The following KIAA1958 variants were observed in gnomAD, a reference collection of about 807,000 sequenced individuals.
KIAA1958 encodes uncharacterized protein KIAA1958.
A neutral mutation model predicts 47.2 loss-of-function variants in KIAA1958; 14 were observed. The ratio of observed to expected loss-of-function variants is 0.30; its 90% CI spans 0.20 to 0.46. The LOEUF is 0.46. KIAA1958 is among the 20% of genes least tolerant of loss of function. KIAA1958 has a pLI of 1.00. For missense variants in KIAA1958, 803 were observed against 909.2 expected (o/e 0.88, Z 1.50); for synonymous variants, 354 against 353.3 (o/e 1.00, Z -0.02).
At chr9:112,614,016 A>T (rs984792222) in intron 2 of KIAA1958, among the ~76,000 whole-genome samples, 1 of 152,242 alleles carries the variant, frequency 6.6e-6, no homozygotes, top group Admixed American at 6.5e-5. Flanking sequence ...ATAGAATGCA[A>T]TGTCCAGTAG....
rs1412651002 is a variant in KIAA1958, at chr9:112,666,387, G to T, written c.*6318G>T. On this transcript the variant is annotated 3_prime_UTR_variant, in exon 4 of 4. Transcript: ENST00000337530. ...CATTTTATCAATAAGGAAATTTAAG[G>T]CCAGAGATATTAAAGGGCCCATCCA... The T allele has an allele frequency of 6.6e-6, 1 of 151,900 alleles. No homozygotes were observed. The highest frequency in any genetic ancestry group is 2.1e-4 in the South Asian group (1 of 4,812). The allele number at this position is 151,900 out of a possible 1,614,324, so 9.4% of individuals were successfully genotyped here.
At chr9:112,583,978 A>T (rs1486411104) in intron 2 of KIAA1958, among the ~76,000 whole-genome samples, 2 of 152,036 alleles carry the variant, frequency 1.3e-5, no homozygotes, top group Non-Finnish European at 2.9e-5. Flanking sequence ...AGGTGGGAGG[A>T]TCACTTGAGC....
intron 3 of KIAA1958, among the ~76,000 whole-genome samples, chr9:112,655,697 A>G (rs754315345): frequency 1.3e-5 from 2 of 152,166 alleles, no homozygotes; most frequent in Non-Finnish European, 2.9e-5. Context: ...TAAAAAGGGA[A>G]CTTGGAATGG....
chr9:112,640,373 C>A (rs1208470165), intron 2 of KIAA1958, among the ~76,000 whole-genome samples: 1 of 152,134 alleles, frequency 6.6e-6, no homozygotes, highest in Non-Finnish European at 1.5e-5. Flanking sequence ...CATGCAATTG[C>A]CTCTTGGTGA....
At chr9:112,621,081 CA>C (rs1316427246) in intron 2 of KIAA1958, among the ~76,000 whole-genome samples, 3 of 152,104 alleles carry the variant, frequency 2.0e-5, no homozygotes, top group African/African-American at 7.2e-5. Flanking sequence ...TTAAGTTTCT[CA>C]GTACCAGCTC....
intron 2 of KIAA1958, among the ~76,000 whole-genome samples, chr9:112,632,399 TGTTC>T (rs1836725575): frequency 6.6e-6 from 1 of 152,136 alleles, no homozygotes; most frequent in Non-Finnish European, 1.5e-5. Flanking sequence ...TGATCATCTT[TGTTC>T]ATTTATCTTT....
At chr9:112,612,298 G>T (rs553272796) in intron 2 of KIAA1958, among the ~76,000 whole-genome samples, 1 of 152,098 alleles carries the variant, frequency 6.6e-6, no homozygotes, top group East Asian at 1.9e-4. Context: ...GTTTGTGCTT[G>T]TAGGCCCAGC....
At chr9:112,622,654 C>T (rs1836529509) in intron 2 of KIAA1958, among the ~76,000 whole-genome samples, 1 of 152,056 alleles carries the variant, frequency 6.6e-6, no homozygotes, top group African/African-American at 2.4e-5. Context: ...TAAATTTTCC[C>T]TATGTTAAAT....
At chr9:112,597,278 AT>A (rs1159694823) in intron 2 of KIAA1958, among the ~76,000 whole-genome samples, 2 of 152,178 alleles carry the variant, frequency 1.3e-5, no homozygotes, top group Non-Finnish European at 2.9e-5. Flanking sequence ...TAGTGTGCTT[AT>A]TATCTCACTA....
At chr9:112,562,825 ATT>A (rs765507098) in intron 1 of KIAA1958, among the ~76,000 whole-genome samples, 1 of 138,814 alleles carries the variant, frequency 7.2e-6, no homozygotes. Flanking sequence ...TTATGTCAGG[ATT>A]TTTTTTTTTT....
chr9:112,567,216 G>GGGT (rs1023113199), intron 1 of KIAA1958, among the ~76,000 whole-genome samples: 26 of 152,106 alleles, frequency 1.7e-4, no homozygotes, highest in African/African-American at 6.3e-4. Context: ...CCCTAAGACA[G>GGGT]GGTGAAACAA....
intron 1 of KIAA1958, among the ~76,000 whole-genome samples, chr9:112,499,032 T>C (rs1481248231): frequency 2.0e-5 from 3 of 152,248 alleles, no homozygotes; most frequent in Non-Finnish European, 4.4e-5. Flanking sequence ...CTTAGCATGA[T>C]GTCCTCCAGG....
In KIAA1958 at chr9:112,569,331, C is replaced by G. The variant is rs554684820; in HGVS notation, c.-24-4726C>G. 9.8e-5 allele frequency among the ~76,000 whole-genome samples: 15 copies of G among 152,302 alleles called. No homozygotes were observed. In the South Asian group the frequency reaches 3.1e-3, roughly 32 times the overall value. ...AGAAGCAATACTGGTGATGAAACAG[C>G]AACACCATTGCATTAAGTGTCTTCT... On this transcript the variant is annotated intron_variant, in intron 1 of 3. Coordinates refer to ENST00000337530, the MANE Select transcript of KIAA1958 (RefSeq NM_133465.4).
intron 2 of KIAA1958, among the ~76,000 whole-genome samples, chr9:112,600,987 A>G (rs2131199710): frequency 6.6e-6 from 1 of 152,302 alleles, no homozygotes; most frequent in Non-Finnish European, 1.5e-5. Context: ...ACTTTCACAG[A>G]TTTCACATAG....
In KIAA1958 at chr9:112,594,295, C is replaced by G. The variant is rs77713703; in HGVS notation, c.1171+19044C>G. Among the ~76,000 whole-genome samples the G allele has an allele frequency of 6.1e-3, 934 of 152,318 alleles. 35 individuals carry two copies. The South Asian group carries it at 0.093, about 15-fold the overall frequency. Reference sequence around the variant, plus strand: ...ATATAATCCATACCATAAAATACATCCTTTAAAGTGCACAATTAAAATGAA... The same window carrying G: ...ATATAATCCATACCATAAAATACATGCTTTAAAGTGCACAATTAAAATGAA... On this transcript the variant is annotated intron_variant, in intron 2 of 3. Transcript: ENST00000337530.
chr9:112,497,858 C>T (rs1057480098), intron 1 of KIAA1958, among the ~76,000 whole-genome samples: 4 of 152,156 alleles, frequency 2.6e-5, no homozygotes, highest in African/African-American at 9.7e-5. Flanking sequence ...GAGTCCAAAA[C>T]TCAGCATCTA....
At chr9:112,552,271 A>G (rs977895755) in intron 1 of KIAA1958, among the ~76,000 whole-genome samples, 8 of 152,242 alleles carry the variant, frequency 5.3e-5, no homozygotes, top group African/African-American at 1.4e-4. Flanking sequence ...CCTCTGGAAC[A>G]TGCTTCTTTA....
chr9:112,519,678 A>G (rs1363524807), intron 1 of KIAA1958, among the ~76,000 whole-genome samples: 1 of 152,170 alleles, frequency 6.6e-6, no homozygotes, highest in African/African-American at 2.4e-5. Context: ...GATTAGGAAA[A>G]CAAATCCCAA....
intron 2 of KIAA1958, among the ~76,000 whole-genome samples, chr9:112,577,423 T>C (rs1231244630): frequency 1.3e-5 from 2 of 152,164 alleles, no homozygotes; most frequent in African/African-American, 4.8e-5. Flanking sequence ...AAGTCTTTGT[T>C]CTAGGAAATC....
Sources: gnomAD v4.1 joint callset for allele counts (sites outside exome capture counted in the v4.1 genomes callset) on GRCh38, gnomAD v4.1.1 for gene constraint, MANE v1.5 for transcripts, NCBI Gene and HGNC (gene_info 2026-07-23, HGNC 2026-07-21) for gene names.